The following CLMN variants were observed in gnomAD, a reference collection of about 807,000 sequenced individuals.
CLMN encodes the protein calmin.
A neutral mutation model predicts 92.7 loss-of-function variants in CLMN; 57 were observed. The ratio of observed to expected loss-of-function variants is 0.61; its 90% CI spans 0.50 to 0.77. CLMN has a LOEUF of 0.77. Among genes scored for constraint, CLMN ranks in the 30% least tolerant of loss-of-function variants. The probability of loss-of-function intolerance (pLI) is 0.00; values close to 1 mark genes in which losing one functional copy is unlikely to be tolerated. For missense variants in CLMN, 1,158 were observed against 1,237.5 expected (o/e 0.94, Z 0.96); for synonymous variants, 466 against 470.6 (o/e 0.99, Z 0.13).
chr14:95,207,717 T>C (rs1033943042), intron 8 of CLMN, among the ~76,000 whole-genome samples: 29 of 152,226 alleles, frequency 1.9e-4, no homozygotes, highest in African/African-American at 6.8e-4. Flanking sequence ...AGAACTGGCA[T>C]TCCAGCCCAG....
chr14:95,307,885 T>G (rs1901354578), intron 1 of CLMN: 1 of 152,228 alleles, frequency 6.6e-6, no homozygotes, highest in South Asian at 2.1e-4. Flanking sequence ...ACCTCACATC[T>G]GCTGCTCACT....
intron 1 of CLMN, among the ~76,000 whole-genome samples, chr14:95,310,790 C>T (rs1901502977): frequency 6.6e-6 from 1 of 152,150 alleles, no homozygotes; most frequent in Non-Finnish European, 1.5e-5. Context: ...CAGAAGGGAC[C>T]TCGTGGACAA....
chr14:95,314,281 T>C (rs1901667768), intron 1 of CLMN, among the ~76,000 whole-genome samples: 1 of 152,112 alleles, frequency 6.6e-6, no homozygotes, highest in African/African-American at 2.4e-5. Context: ...TTACCACGTG[T>C]ACTTGTATAG....
chr14:95,233,635 G>A (rs1897959907), intron 1 of CLMN, among the ~76,000 whole-genome samples: 1 of 152,212 alleles, frequency 6.6e-6, no homozygotes, highest in Non-Finnish European at 1.5e-5. Context: ...GCTGCCACAA[G>A]GTGTATATGC....
chr14:95,319,504 C>T (rs1490669495), intron 1 of CLMN, among the ~76,000 whole-genome samples: 2 of 152,186 alleles, frequency 1.3e-5, no homozygotes, highest in Non-Finnish European at 2.9e-5. Context: ...GCGCCCCACC[C>T]CCTGGGCAAC....
At chr14:95,283,581 T>C (rs746520017) in intron 1 of CLMN, among the ~76,000 whole-genome samples, 1 of 152,160 alleles carries the variant, frequency 6.6e-6, no homozygotes, top group Non-Finnish European at 1.5e-5. Context: ...AAAATGCTGA[T>C]AGCAACATGG....
chr14:95,233,214 C>A (rs1897943606), intron 1 of CLMN, among the ~76,000 whole-genome samples: 1 of 152,162 alleles, frequency 6.6e-6, no homozygotes, highest in Admixed American at 6.5e-5. Context: ...TTAGTAAAAG[C>A]CTCAGAGAAC....
In CLMN at chr14:95,191,433, A is replaced by C; in HGVS notation, c.*131T>G. 3.9e-6 allele frequency: 2 copies of C among 513,540 alleles called. No homozygotes were observed. Among genetic ancestry groups the C allele is most frequent in the South Asian group, 5.6e-5 (1 of 17,868 alleles). 31.8% of individuals were successfully genotyped at this position (513,540 alleles called of 1,614,324 possible). A position where few individuals can be genotyped will look rare whatever the true frequency, so the allele number is the denominator to read the frequency against. ...AAAAAAAAAAAAAACCACAATAGCG[A>C]GAAAGGGGGTCTAAGTTTCCTCGGA... On this transcript the variant is annotated 3_prime_UTR_variant, in exon 13 of 13. Coordinates refer to ENST00000298912, the MANE Select transcript of CLMN (RefSeq NM_024734.4). The surrounding 1 kb of genome is among the most constrained non-coding windows in gnomAD (Gnocchi z 5.3).
chr14:95,204,293 G>A lies in CLMN; in HGVS notation c.1056C>T (p.Val352=). The A allele has an allele frequency of 6.2e-7, 1 of 1,614,134 alleles. No homozygotes were observed. The highest frequency in any genetic ancestry group is 8.5e-7 in the Non-Finnish European group (1 of 1,180,028). Residue 352 remains valine (V), a synonymous_variant, in exon 9 of 13, where the codon GTC becomes GTT. Coordinates refer to ENST00000298912, the MANE Select transcript of CLMN (RefSeq NM_024734.4). ...CCTTCATGCTCTCGGGCTTGTCACA[G>A]ACAAAGACTTTGGAGGGTGGTGGGT... is the stretch of plus-strand genomic sequence containing the variant. The part of the protein sequence containing the change: ...TSHPPPSKVF[V]CDKPESMKEF...
intron 8 of CLMN, 32 bp from the exon 9 acceptor site, chr14:95,204,495 A>C (rs1001861839): frequency 1.2e-5 from 18 of 1,525,430 alleles, no homozygotes; most frequent in African/African-American, 7.0e-5. Flanking sequence ...AACAAACAAA[A>C]AAAAACAAAA....
intron 1 of CLMN, among the ~76,000 whole-genome samples, chr14:95,240,215 GT>G (rs1484866254): frequency 2.0e-5 from 3 of 152,200 alleles, no homozygotes; most frequent in Admixed American, 6.5e-5. Context: ...ACAGAGAAAT[GT>G]TCATAAATCA....
chr14:95,261,383 A>G (rs1899250675), intron 1 of CLMN, among the ~76,000 whole-genome samples: 1 of 152,232 alleles, frequency 6.6e-6, no homozygotes, highest in South Asian at 2.1e-4. Flanking sequence ...TGGAGACACA[A>G]ATACATTTCA....
In CLMN at chr14:95,267,405, C is replaced by A. The variant is rs191416300; in HGVS notation, c.83-37272G>T. 1.5e-4 allele frequency among the ~76,000 whole-genome samples: 23 copies of A among 152,288 alleles called. No homozygotes were observed. In the East Asian group the frequency reaches 4.2e-3, roughly 28 times the overall value. ...TAGACATTTCTTAAGAGAATACATA[C>A]AAACGGCCAACAGGCATATGAATAA... On this transcript the variant is annotated intron_variant, in intron 1 of 12. Coordinates refer to ENST00000298912, the MANE Select transcript of CLMN (RefSeq NM_024734.4).
At chr14:95,302,820 G>A (rs970940588) in intron 1 of CLMN, among the ~76,000 whole-genome samples, 1 of 152,180 alleles carries the variant, frequency 6.6e-6, no homozygotes, top group African/African-American at 2.4e-5. Flanking sequence ...GCAAAGTGAA[G>A]AAGCTAAAAT....
chr14:95,251,106 CG>C (rs1056839264), intron 1 of CLMN, among the ~76,000 whole-genome samples: 5 of 152,266 alleles, frequency 3.3e-5, no homozygotes, highest in Middle Eastern at 3.4e-3. Context: ...GTATGGAATA[CG>C]CATTTGGCGT....
intron 4 of CLMN, among the ~76,000 whole-genome samples, chr14:95,220,842 G>C (rs1221987805): frequency 6.6e-6 from 1 of 152,226 alleles, no homozygotes; most frequent in Non-Finnish European, 1.5e-5. Flanking sequence ...GGGCTGCCCA[G>C]AGGTTGCAGG....
chr14:95,272,259 AG>A (rs1346316204), intron 1 of CLMN, among the ~76,000 whole-genome samples: 1 of 152,102 alleles, frequency 6.6e-6, no homozygotes, highest in African/African-American at 2.4e-5. Context: ...GCCTGCCAGG[AG>A]GGTGTGGGCT....
chr14:95,310,851 C>A (rs1901506073), intron 1 of CLMN, among the ~76,000 whole-genome samples: 1 of 152,226 alleles, frequency 6.6e-6, no homozygotes, highest in East Asian at 1.9e-4. Flanking sequence ...CGGAAGACAC[C>A]TGGGTGCAGC....
chr14:95,220,169 C>CTTTTTTT lies in CLMN; in HGVS notation c.324+1515_324+1521dup, dbSNP rs767326601. Among the ~76,000 whole-genome samples, 37 of 71,806 alleles carry CTTTTTTT rather than the reference C, an allele frequency of 5.2e-4. 2 individuals carry two copies. Among genetic ancestry groups the CTTTTTTT allele is most frequent in the African/African-American group, 8.3e-4 (14 of 16,850 alleles). The allele number at this position is 71,806 out of a possible 152,430, so 47.1% of individuals were successfully genotyped here. A position where few individuals can be genotyped will look rare whatever the true frequency, so the allele number is the denominator to read the frequency against. On this transcript the variant is annotated intron_variant, in intron 4 of 12. Transcript: ENST00000298912. ...AATATTCCACTGTATGGATAGGTCC[C>CTTTTTTT]TTTTTTTTTTTTTTTTTTTTTTTTT...
Sources: gnomAD v4.1 joint callset for allele counts (sites outside exome capture counted in the v4.1 genomes callset) on GRCh38, gnomAD v4.1.1 for gene constraint, Gnocchi (gnomAD v3.1) non-coding constraint, MANE v1.5 for transcripts, NCBI Gene and HGNC (gene_info 2026-07-23, HGNC 2026-07-21) for gene names.